The following RABGAP1 variants were observed in gnomAD, a reference collection of about 807,000 sequenced individuals.
RABGAP1 encodes the protein rab GTPase-activating protein 1.
In RABGAP1, 23 loss-of-function variants were observed where a neutral mutation model predicts 137.6. The ratio of observed to expected loss-of-function variants is 0.17; its 90% CI spans 0.12 to 0.24. The LOEUF is 0.24. RABGAP1 is among the 10% of genes least tolerant of loss of function. The pLI, the probability that RABGAP1 is intolerant of heterozygous loss-of-function variation, is 1.00. For synonymous variants in RABGAP1, 451 were observed against 450.7 expected (o/e 1.00, Z -0.01); for missense variants, 906 against 1,275.8 (o/e 0.71, Z 4.42).
At chr9:122,953,281 A>G (rs1435962537) in intron 1 of RABGAP1, among the ~76,000 whole-genome samples, 8 of 152,216 alleles carry the variant, frequency 5.3e-5, no homozygotes, top group Non-Finnish European at 1.2e-4. Context: ...GTATTGTTAA[A>G]TGTTTTATGT....
rs560085762 is a variant in RABGAP1 at position 123,097,391 on chromosome 9, C to T, written c.2629-350C>T. ...TTATTGGTGTTTACTGTATTCCAGG[C>T]ACTGTGCTGAATGCTTTTCTTGCCT... On this transcript the variant is annotated intron_variant, in intron 21 of 25. Transcript: ENST00000373647. 9.2e-5 allele frequency among the ~76,000 whole-genome samples: 14 copies of T among 152,290 alleles called. 1 individual carries two copies. The South Asian group carries it at 2.7e-3, about 29-fold the overall frequency.
chr9:122,961,732 G>A lies in RABGAP1; in HGVS notation c.150+4523G>A, dbSNP rs193098637. ...AAGTTCCCTAAGAACTGTTTAAGCT[G>A]TATCCCATAAATCTTAGTATATTTA... On this transcript the variant is annotated intron_variant, in intron 2 of 25. Transcript: ENST00000373647. Among the ~76,000 whole-genome samples, 28 of 152,268 alleles carry A rather than the reference G, an allele frequency of 1.8e-4. No individual in the cohort carries two copies. In the East Asian group the frequency reaches 4.8e-3, roughly 26 times the overall value.
At chr9:122,947,484 A>G (rs936884963) in intron 1 of RABGAP1, among the ~76,000 whole-genome samples, 4 of 152,244 alleles carry the variant, frequency 2.6e-5, no homozygotes, top group African/African-American at 9.6e-5. Context: ...TGTTTGTGTT[A>G]TTACTTAATC....
At chr9:122,998,549 ATTTGTG>A in intron 9 of RABGAP1, 42 bp from the exon 10 acceptor site, 2 of 1,323,378 alleles carry the variant, frequency 1.5e-6, no homozygotes, top group South Asian at 3.6e-5. Context: ...GAGCAAATAT[ATTTGTG>A]TTTCTGATTT....
intron 11 of RABGAP1, 79 bp downstream of exon 11, chr9:123,010,607 TA>T (rs2030724715): frequency 7.5e-6 from 10 of 1,330,454 alleles, no homozygotes; most frequent in South Asian, 7.0e-5. Flanking sequence ...AGGGGATTGA[TA>T]ATGTGATACG....
intron 13 of RABGAP1, among the ~76,000 whole-genome samples, chr9:123,056,770 C>T (rs189207647): frequency 8.6e-4 from 131 of 152,094 alleles, no homozygotes; most frequent in African/African-American, 2.9e-3. Context: ...GGACACAGCG[C>T]GTTTCAGAGA....
intron 23 of RABGAP1, among the ~76,000 whole-genome samples, chr9:123,099,006 T>G (rs1180420899): frequency 6.6e-6 from 1 of 152,156 alleles, no homozygotes; most frequent in Non-Finnish European, 1.5e-5. Context: ...TTACGAGGAT[T>G]TAAAAAGACC....
intron 2 of RABGAP1, among the ~76,000 whole-genome samples, chr9:122,969,702 G>A (rs1255782550): frequency 6.8e-6 from 1 of 148,114 alleles, no homozygotes; most frequent in Non-Finnish European, 1.5e-5. Flanking sequence ...CATTTTTTTT[G>A]CCATTTCAAT....
In RABGAP1 at chr9:122,944,499, A is replaced by G. The variant is rs973632567; in HGVS notation, c.-50+3406A>G. ...CCCACTCTGGCCTCCCAACGTGACA[A>G]CACTCTTAAATAATCTTTGTTTGTT... is the stretch of plus-strand genomic sequence containing the variant. On this transcript the variant is annotated intron_variant, in intron 1 of 25. Transcript: ENST00000373647. Among the ~76,000 whole-genome samples, 4 of 151,510 alleles carry G rather than the reference A, an allele frequency of 2.6e-5. No individual in the cohort carries two copies. In the South Asian group the frequency reaches 8.3e-4, roughly 32 times the overall value.
At chr9:123,035,769 T>C (rs2032621809) in intron 13 of RABGAP1, 3 of 544,972 alleles carry the variant, frequency 5.5e-6, no homozygotes, top group Non-Finnish European at 9.5e-6. Flanking sequence ...ATTATTCGTA[T>C]GGATACCTTC....
chr9:122,978,670 CAT>C (rs926945786), intron 2 of RABGAP1, among the ~76,000 whole-genome samples: 7 of 152,074 alleles, frequency 4.6e-5, no homozygotes, highest in Admixed American at 6.6e-5. Context: ...TTTGTGTAGA[CAT>C]ATGTTTTTAT....
chr9:123,076,890 T>C, intron 19 of RABGAP1, 128 bp downstream of exon 19: 1 of 519,456 alleles, frequency 1.9e-6, no homozygotes, highest in Non-Finnish European at 2.6e-6. Context: ...AGTGTTAACA[T>C]TTATAATATA....
chr9:123,090,440 C>G (rs929521017), intron 21 of RABGAP1, 55 bp downstream of exon 21: 2 of 1,380,056 alleles, frequency 1.4e-6, no homozygotes, highest in South Asian at 1.3e-5. Flanking sequence ...GACTTTTCCC[C>G]TCAAGAGAAA....
At chr9:123,066,244 A>T (rs1370899265) in intron 14 of RABGAP1, among the ~76,000 whole-genome samples, 1 of 152,198 alleles carries the variant, frequency 6.6e-6, no homozygotes, top group Non-Finnish European at 1.5e-5. Context: ...AGGACAGTTG[A>T]GTTTAGAGAA....
chr9:123,033,406 G>C (rs758301983), intron 13 of RABGAP1: 2 of 152,134 alleles, frequency 1.3e-5, no homozygotes, highest in Non-Finnish European at 2.9e-5. Context: ...GGGGATTCCA[G>C]ACAGACGAGG....
rs765838132 is a variant in RABGAP1, at chr9:123,034,703, A to C, written c.1794+14244A>C. On this transcript the variant is annotated intron_variant, in intron 13 of 25. Coordinates refer to ENST00000373647, the MANE Select transcript of RABGAP1 (RefSeq NM_012197.4). ...CTAACTGTATTGATTATTTCTGGCA[A>C]CATCATTGTGATTTTTGTATTTCAC... 4.3e-6 allele frequency: 7 copies of C among 1,613,598 alleles called. No homozygotes were observed. In the South Asian group the frequency reaches 4.4e-5, roughly 10 times the overall value.
rs571998406 is a variant in RABGAP1 at position 122,954,339 on chromosome 9, T to C, written c.-49-2672T>C. Among the ~76,000 whole-genome samples, 4 of 152,358 alleles carry C rather than the reference T, an allele frequency of 2.6e-5. No individual in the cohort carries two copies. The South Asian group carries it at 8.3e-4, about 32-fold the overall frequency. On this transcript the variant is annotated intron_variant, in intron 1 of 25. Transcript: ENST00000373647. ...AGGCCAGAGAAAAGGAATCTTATTG[T>C]ATAATTTTTCCTTTACTACTTAGTG...
chr9:123,003,377 C>T (rs898748231), intron 10 of RABGAP1, among the ~76,000 whole-genome samples: 16 of 152,198 alleles, frequency 1.1e-4, no homozygotes, highest in Admixed American at 4.6e-4. Context: ...TGCCAGGACA[C>T]TCTCCAGAGA....
chr9:123,027,173 G>T (rs2032026583), intron 13 of RABGAP1, among the ~76,000 whole-genome samples: 1 of 145,064 alleles, frequency 6.9e-6, no homozygotes, highest in Admixed American at 7.1e-5. Flanking sequence ...CTGGAGTGCA[G>T]TGGCACGATC....
Sources: gnomAD v4.1 joint callset for allele counts (sites outside exome capture counted in the v4.1 genomes callset) on GRCh38, gnomAD v4.1.1 for gene constraint, MANE v1.5 for transcripts, NCBI Gene and HGNC (gene_info 2026-07-23, HGNC 2026-07-21) for gene names.